Variants in CHEK1 observed in about 807,000 individuals in gnomAD.
The protein encoded by CHEK1 is serine/threonine-protein kinase Chk1.
Under a neutral mutation model 60.2 loss-of-function variants are expected in CHEK1, and 32 were observed. That is an observed-to-expected ratio of 0.53 (90% CI 0.40 to 0.71). The LOEUF (loss-of-function observed/expected upper bound fraction) is 0.71, where lower values mean the gene tolerates loss of function less well. Among genes scored for constraint, CHEK1 ranks in the 30% least tolerant of loss-of-function variants. The pLI is 0.00. For missense variants in CHEK1, 399 were observed against 564.6 expected, an observed-to-expected ratio of 0.71 and a Z score of 2.97; for synonymous variants, 179 against 187.2, an observed-to-expected ratio of 0.96 and a Z score of 0.36.
intron 8 of CHEK1, among the ~76,000 whole-genome samples, chr11:125,639,452 A>G (rs1384396052): frequency 7.1e-6 from 1 of 140,024 alleles, no homozygotes; most frequent in African/African-American, 2.8e-5. Context: ...ACTCACTTCA[A>G]CCTCTGCCTC....
At chr11:125,631,453 G>A (rs1030037609) in intron 5 of CHEK1, among the ~76,000 whole-genome samples, 2 of 151,948 alleles carry the variant, frequency 1.3e-5, no homozygotes, top group Non-Finnish European at 2.9e-5. Context: ...TTATGTTGCA[G>A]ACATAACAAA....
At chr11:125,633,868 G>A (rs1456618491) in intron 6 of CHEK1, among the ~76,000 whole-genome samples, 3 of 152,114 alleles carry the variant, frequency 2.0e-5, no homozygotes, top group Non-Finnish European at 4.4e-5. Context: ...TCTGGAGGCT[G>A]AAAATATGAG....
intron 13 of CHEK1, among the ~76,000 whole-genome samples, chr11:125,674,361 G>A (rs1011987577): frequency 2.0e-5 from 3 of 152,204 alleles, no homozygotes; most frequent in Non-Finnish European, 2.9e-5. Flanking sequence ...GGAAGGAAGT[G>A]AGACTGAACT....
chr11:125,657,997 T>G (rs937597460), downstream of CHEK1, among the ~76,000 whole-genome samples: 2 of 152,250 alleles, frequency 1.3e-5, no homozygotes, highest in African/African-American at 4.8e-5. Flanking sequence ...AGCAACAGAA[T>G]GTATTTCTAG....
intron 13 of CHEK1, among the ~76,000 whole-genome samples, chr11:125,674,262 G>A (rs554909866): frequency 6.6e-6 from 1 of 152,276 alleles, no homozygotes; most frequent in African/African-American, 2.4e-5. Context: ...TACATGCAAT[G>A]GAAAAACCAT....
At chr11:125,635,399 TA>T (rs778150890) in intron 6 of CHEK1, 29 bp from the exon 7 acceptor site, 1 of 1,333,994 alleles carries the variant, frequency 7.5e-7, no homozygotes, top group Non-Finnish European at 1.0e-6. Context: ...TAAGAACATT[TA>T]AAAAAACTGG....
chr11:125,658,057 T>C (rs538797832), downstream of CHEK1, among the ~76,000 whole-genome samples: 2 of 152,258 alleles, frequency 1.3e-5, no homozygotes, highest in African/African-American at 4.8e-5. Flanking sequence ...AGTTGTTGTT[T>C]TTGTTTTTGT....
At chr11:125,633,109 T>C (rs1940930643) in intron 5 of CHEK1, 54 bp from the exon 6 acceptor site, 1 of 1,482,302 alleles carries the variant, frequency 6.7e-7, no homozygotes, top group Non-Finnish European at 9.0e-7. Flanking sequence ...CCTGTAAGTA[T>C]ATCTATTTGC....
At chr11:125,680,710 G>T, downstream of CHEK1, 1 of 1,609,692 alleles carries the variant, frequency 6.2e-7, no homozygotes, top group Non-Finnish European at 8.5e-7. Context: ...TTTACCTGAA[G>T]CCTAGATCAA....
chr11:125,647,357 C>T (rs1461296564), intron 11 of CHEK1, among the ~76,000 whole-genome samples: 1 of 150,702 alleles, frequency 6.6e-6, no homozygotes, highest in East Asian at 1.9e-4. Flanking sequence ...TTTTTCTTCC[C>T]CTGTGGACTC....
intron 11 of CHEK1, among the ~76,000 whole-genome samples, chr11:125,650,072 T>C (rs1420451071): frequency 3.3e-5 from 5 of 152,164 alleles, no homozygotes; most frequent in Middle Eastern, 3.2e-3. Flanking sequence ...TCGGAGTTCG[T>C]TGAGCTTCTT....
At chr11:125,678,000 TCTC>T (rs556986916), downstream of CHEK1, 310 of 1,613,554 alleles carry the variant, frequency 1.9e-4, 4 homozygotes, top group South Asian at 3.3e-3. Flanking sequence ...TGAAGGCTGT[TCTC>T]CTGAAGGCTG....
At chr11:125,632,139 C>G (rs912819839) in intron 5 of CHEK1, among the ~76,000 whole-genome samples, 1 of 152,148 alleles carries the variant, frequency 6.6e-6, no homozygotes, top group African/African-American at 2.4e-5. Flanking sequence ...TTTTGTCCCA[C>G]TTACACACTA....
chr11:125,657,282 T>TGTG (rs139922788), downstream of CHEK1: 1 of 154,406 alleles, frequency 6.5e-6, no homozygotes, highest in African/African-American at 2.4e-5. Context: ...TGTGTGTGTG[T>TGTG]TTAATGTGTA....
At chr11:125,650,458 G>GTTTTTTT (rs71279471) in intron 11 of CHEK1, among the ~76,000 whole-genome samples, 2 of 130,746 alleles carry the variant, frequency 1.5e-5, no homozygotes, top group African/African-American at 2.9e-5. Context: ...AGTGGTGTTT[G>GTTTTTTT]TTTTTTTTTT....
At chr11:125,654,788 T>C (rs1941856772) in intron 12 of CHEK1, among the ~76,000 whole-genome samples, 1 of 152,236 alleles carries the variant, frequency 6.6e-6, no homozygotes, top group Admixed American at 6.5e-5. Flanking sequence ...TGCTACAGAA[T>C]TAAATTAAGA....
intron 7 of CHEK1, among the ~76,000 whole-genome samples, chr11:125,636,341 C>T (rs927765069): frequency 1.3e-5 from 2 of 150,606 alleles, no homozygotes; most frequent in South Asian, 2.1e-4. Flanking sequence ...TGTGGATATG[C>T]CTTACTTTAC....
At chr11:125,651,991 A>G (rs1386272023) in intron 11 of CHEK1, among the ~76,000 whole-genome samples, 1 of 152,200 alleles carries the variant, frequency 6.6e-6, no homozygotes, top group African/African-American at 2.4e-5. Context: ...TTGAAGTTTA[A>G]GAGCTTAATT....
chr11:125,633,088 A>G, intron 5 of CHEK1, 75 bp from the exon 6 acceptor site: 1 of 1,359,520 alleles, frequency 7.4e-7, no homozygotes, highest in Non-Finnish European at 9.9e-7. Flanking sequence ...TTTTTTCAGT[A>G]AAACTTAATT....
Sources: allele counts gnomAD v4.1 joint callset (sites outside exome capture counted in the v4.1 genomes callset), GRCh38; gene constraint gnomAD v4.1.1; transcripts MANE v1.5; gene names NCBI Gene and HGNC (gene_info 2026-07-23, HGNC 2026-07-21).